Variants in DCC observed in about 807,000 individuals in gnomAD.
DCC encodes DCC netrin 1 receptor, also known as netrin receptor DCC.
Under a neutral mutation model 172.5 loss-of-function variants are expected in DCC, and 58 were observed. The observed-to-expected ratio is 0.34, with a 90% CI of 0.27 to 0.42. The LOEUF is 0.42. Among genes scored for constraint, DCC ranks in the 10% least tolerant of loss-of-function variants. DCC has a pLI of 1.00. For synonymous variants in DCC, 709 were observed against 644.5 expected (o/e 1.10, Z -1.52); for missense variants, 1,740 against 1,791.0 (o/e 0.97, Z 0.51).
At chr18:53,294,388 G>A (rs535371998) in intron 12 of DCC, among the ~76,000 whole-genome samples, 100 of 152,350 alleles carry the variant, frequency 6.6e-4, no homozygotes, top group Non-Finnish European at 1.1e-3. Context: ...AGTATCCAGA[G>A]AAGTGGAGTG....
chr18:52,847,387 C>T (rs572415159), intron 2 of DCC, among the ~76,000 whole-genome samples: 1 of 152,254 alleles, frequency 6.6e-6, no homozygotes, highest in Admixed American at 6.5e-5. Context: ...TCAGGTGGCT[C>T]ATGGAGGGAT....
chr18:53,408,647 GA>G (rs1299036867), intron 19 of DCC, among the ~76,000 whole-genome samples: 1 of 152,146 alleles, frequency 6.6e-6, no homozygotes, highest in Non-Finnish European at 1.5e-5. Flanking sequence ...ATTACTAGAG[GA>G]TGAGGATAAT....
intron 7 of DCC, among the ~76,000 whole-genome samples, chr18:53,087,015 C>G (rs368160724): frequency 8.6e-5 from 13 of 151,822 alleles, no homozygotes; most frequent in Non-Finnish European, 1.3e-4. Flanking sequence ...TGGACATTTG[C>G]GTTGGTTCCA....
chr18:52,902,139 G>C (rs970286048), intron 2 of DCC, among the ~76,000 whole-genome samples: 1 of 152,302 alleles, frequency 6.6e-6, no homozygotes, highest in Non-Finnish European at 1.5e-5. Flanking sequence ...AAGTTCAATA[G>C]ATCTGAGAAT....
At chr18:52,498,475 T>C (rs2030887488) in intron 1 of DCC, among the ~76,000 whole-genome samples, 1 of 151,842 alleles carries the variant, frequency 6.6e-6, no homozygotes, top group African/African-American at 2.4e-5. Flanking sequence ...AATACAAAAA[T>C]TAGCCGTGCA....
intron 1 of DCC, among the ~76,000 whole-genome samples, chr18:52,556,348 G>T (rs1481295932): frequency 6.6e-6 from 1 of 152,084 alleles, no homozygotes; most frequent in Non-Finnish European, 1.5e-5. Flanking sequence ...GGGTTCAGTA[G>T]CCATGAAAAT....
intron 5 of DCC, among the ~76,000 whole-genome samples, chr18:52,925,900 G>A (rs1195522158): frequency 7.2e-6 from 1 of 139,178 alleles, no homozygotes; most frequent in African/African-American, 2.7e-5. Context: ...GATTTAAGGA[G>A]GATTGAGGGG....
chr18:53,416,635 T>G (rs1910327409), intron 21 of DCC: 1 of 191,704 alleles, frequency 5.2e-6, no homozygotes, highest in South Asian at 8.6e-5. Flanking sequence ...TAGGGCATTA[T>G]CATTGTTCAT....
In DCC at chr18:52,980,742, G is replaced by A. The variant is rs376052406; in HGVS notation, c.985+55372G>A. ...GTCAATAAAAATGAGTCATTCAGTG[G>A]TTAAAGTTCTCTTAAATAATCAAAA... On this transcript the variant is annotated intron_variant, in intron 5 of 28. Transcript: ENST00000442544. Among the ~76,000 whole-genome samples the A allele has an allele frequency of 1.1e-4, 17 of 151,930 alleles. No homozygotes were observed. The South Asian group carries it at 1.9e-3, about 17-fold the overall frequency.
At chr18:52,855,812 C>G (rs1292515090) in intron 2 of DCC, among the ~76,000 whole-genome samples, 1 of 139,374 alleles carries the variant, frequency 7.2e-6, no homozygotes, top group Non-Finnish European at 1.5e-5. Context: ...GTTGCCCAGA[C>G]TGGAGTACAA....
intron 16 of DCC, among the ~76,000 whole-genome samples, 187 bp downstream of exon 16, chr18:53,386,325 A>AT (rs1389776271): frequency 6.6e-6 from 1 of 152,094 alleles, no homozygotes; most frequent in Admixed American, 6.5e-5. Flanking sequence ...ATATGCATGC[A>AT]TTTTTTTATT....
chr18:52,832,212 C>A (rs1214870706), intron 2 of DCC, among the ~76,000 whole-genome samples: 2 of 152,102 alleles, frequency 1.3e-5, no homozygotes, highest in Non-Finnish European at 2.9e-5. Context: ...TGCTATGCTG[C>A]AGCAGATGTG....
intron 15 of DCC, among the ~76,000 whole-genome samples, chr18:53,383,058 T>C (rs556159647): frequency 2.0e-5 from 3 of 152,148 alleles, no homozygotes; most frequent in Admixed American, 2.0e-4. Flanking sequence ...AAGTTCACCA[T>C]GTTTCCTTGC....
chr18:52,426,001 CTGT>C (rs1987412673), intron 1 of DCC, among the ~76,000 whole-genome samples: 1 of 152,124 alleles, frequency 6.6e-6, no homozygotes, highest in African/African-American at 2.4e-5. Context: ...CAAGATCTCA[CTGT>C]TGTTATCTCA....
At chr18:53,416,875 G>A (rs9807370) in intron 21 of DCC, among the ~76,000 whole-genome samples, 65,366 of 151,664 alleles carry the variant, frequency 0.43, 15,843 homozygotes, top group Non-Finnish European at 0.55. Context: ...TTAGGATTCC[G>A]TTATCTTTAC....
At chr18:52,853,093 A>G (rs893644423) in intron 2 of DCC, among the ~76,000 whole-genome samples, 3 of 152,142 alleles carry the variant, frequency 2.0e-5, no homozygotes. Context: ...TTCCACTCCT[A>G]AGATCAAATG....
chr18:53,513,588 A>G (rs1340450587), intron 27 of DCC, among the ~76,000 whole-genome samples: 2 of 152,212 alleles, frequency 1.3e-5, no homozygotes, highest in African/African-American at 4.8e-5. Context: ...GCAGAGACAC[A>G]CATAGGCTCA....
chr18:53,021,989 A>G (rs1486039491), intron 5 of DCC, among the ~76,000 whole-genome samples: 2 of 152,180 alleles, frequency 1.3e-5, no homozygotes, highest in Admixed American at 6.5e-5. Context: ...TTTAGTTGCA[A>G]TTAAAATGTT....
chr18:53,088,414 T>G (rs2042951056), intron 7 of DCC, among the ~76,000 whole-genome samples: 1 of 152,184 alleles, frequency 6.6e-6, no homozygotes, highest in African/African-American at 2.4e-5. Context: ...TGTCTATTAT[T>G]GGTGTATAAG....
Sources: gnomAD v4.1 joint callset for allele counts (sites outside exome capture counted in the v4.1 genomes callset) on GRCh38, gnomAD v4.1.1 for gene constraint, MANE v1.5 for transcripts, NCBI Gene and HGNC (gene_info 2026-07-23, HGNC 2026-07-21) for gene names.